AGBL4: variants seen among roughly 807,000 people sequenced by gnomAD.
AGBL4 encodes the protein cytosolic carboxypeptidase 6.
A neutral mutation model predicts 66.4 loss-of-function variants in AGBL4; 58 were observed. The observed-to-expected ratio is 0.87, with a 90% CI of 0.71 to 1.09. AGBL4 has a LOEUF of 1.09. Ranked by LOEUF, AGBL4 falls within the 50% of genes least tolerant of loss-of-function variation. The probability of loss-of-function intolerance (pLI) is 0.00; values close to 1 mark genes in which losing one functional copy is unlikely to be tolerated. For missense variants in AGBL4, 579 were observed against 631.0 expected (o/e 0.92, Z 0.88); for synonymous variants, 234 against 222.9 (o/e 1.05, Z -0.44).
intron 3 of AGBL4, among the ~76,000 whole-genome samples, chr1:49,447,492 T>C (rs548171855): frequency 2.2e-4 from 34 of 152,188 alleles, no homozygotes; most frequent in Middle Eastern, 6.8e-3. Context: ...GGACTGAATG[T>C]AGTCTTATGA....
At chr1:49,177,794 T>G (rs1163289873) in intron 4 of AGBL4, among the ~76,000 whole-genome samples, 1 of 152,154 alleles carries the variant, frequency 6.6e-6, no homozygotes, top group Admixed American at 6.5e-5. Context: ...ACCTGCTGCA[T>G]AGAAAGACAG....
chr1:49,562,582 T>G (rs937281358), intron 3 of AGBL4, among the ~76,000 whole-genome samples: 17 of 152,188 alleles, frequency 1.1e-4, no homozygotes, highest in Non-Finnish European at 2.1e-4. Context: ...TCCCCCTTGC[T>G]TGTTTTTGTC....
At chr1:49,975,653 T>A (rs963870013) in intron 1 of AGBL4, among the ~76,000 whole-genome samples, 1 of 152,184 alleles carries the variant, frequency 6.6e-6, no homozygotes, top group African/African-American at 2.4e-5. Flanking sequence ...GAGACCACAT[T>A]TGAAATCGTA....
At chr1:49,450,325 TA>T in intron 3 of AGBL4, among the ~76,000 whole-genome samples, 1 of 152,042 alleles carries the variant, frequency 6.6e-6, no homozygotes, top group African/African-American at 2.4e-5. Context: ...AACACACTCA[TA>T]AAAAGAGATA....
chr1:49,567,062 C>T (rs1341011102), intron 3 of AGBL4, among the ~76,000 whole-genome samples: 1 of 152,228 alleles, frequency 6.6e-6, no homozygotes, highest in African/African-American at 2.4e-5. Context: ...GCCGTGCTAG[C>T]AATGAGCGAG....
At chr1:48,809,323 G>A (rs1350309095) in intron 6 of AGBL4, among the ~76,000 whole-genome samples, 1 of 152,162 alleles carries the variant, frequency 6.6e-6, no homozygotes, top group Non-Finnish European at 1.5e-5. Context: ...GTGTGACTTT[G>A]GTTGTGATAG....
chr1:49,176,151 T>C (rs1334868718), intron 4 of AGBL4, among the ~76,000 whole-genome samples: 1 of 152,062 alleles, frequency 6.6e-6, no homozygotes, highest in East Asian at 1.9e-4. Flanking sequence ...ATGATGATGA[T>C]GGTGATGACA....
chr1:49,720,546 A>C (rs1394199609), intron 2 of AGBL4, among the ~76,000 whole-genome samples: 1 of 152,162 alleles, frequency 6.6e-6, no homozygotes, highest in Non-Finnish European at 1.5e-5. Flanking sequence ...ATAGTGATTA[A>C]AAGCATATAC....
At chr1:48,643,562 C>T (rs2148427696) in intron 8 of AGBL4, among the ~76,000 whole-genome samples, 1 of 152,318 alleles carries the variant, frequency 6.6e-6, no homozygotes, top group South Asian at 2.1e-4. Context: ...GACTTAACCT[C>T]TCTTTGAGTG....
chr1:49,851,897 A>G (rs1403038189), intron 1 of AGBL4, among the ~76,000 whole-genome samples: 1 of 152,180 alleles, frequency 6.6e-6, no homozygotes, highest in African/African-American at 2.4e-5. Flanking sequence ...ACCATTTAAT[A>G]TATAAATAAT....
intron 2 of AGBL4, among the ~76,000 whole-genome samples, chr1:49,789,960 T>A (rs925270414): frequency 3.3e-5 from 5 of 152,154 alleles, no homozygotes; most frequent in Admixed American, 3.3e-4. Flanking sequence ...CCAAACAGCA[T>A]GGTACTGGTA....
intron 3 of AGBL4, among the ~76,000 whole-genome samples, chr1:49,345,642 T>C (rs2148511621): frequency 6.6e-6 from 1 of 152,280 alleles, no homozygotes; most frequent in East Asian, 1.9e-4. Context: ...CTTTCTGTTT[T>C]GTTTTTCAGT....
intron 5 of AGBL4, among the ~76,000 whole-genome samples, chr1:48,931,193 T>C (rs1298382153): frequency 2.0e-5 from 3 of 152,212 alleles, no homozygotes; most frequent in Non-Finnish European, 4.4e-5. Flanking sequence ...TGATCTTGGT[T>C]ATCAGTTTTC....
chr1:49,913,926 C>T (rs1011991318), intron 1 of AGBL4, among the ~76,000 whole-genome samples: 2 of 152,126 alleles, frequency 1.3e-5, no homozygotes, highest in Admixed American at 6.5e-5. Context: ...TGCCCCAGGC[C>T]CATCCCTAAA....
intron 3 of AGBL4, among the ~76,000 whole-genome samples, chr1:49,609,226 C>G (rs1645111649): frequency 6.6e-6 from 1 of 152,112 alleles, no homozygotes; most frequent in African/African-American, 2.4e-5. Context: ...AAGTCCAGAT[C>G]CATAGGGACA....
chr1:49,417,322 G>A (rs1645448478), intron 3 of AGBL4, among the ~76,000 whole-genome samples: 1 of 152,128 alleles, frequency 6.6e-6, no homozygotes, highest in African/African-American at 2.4e-5. Flanking sequence ...GAGAAATGGA[G>A]AAACAGAAGG....
intron 3 of AGBL4, among the ~76,000 whole-genome samples, chr1:49,664,401 A>T (rs1400477515): frequency 6.6e-6 from 1 of 152,060 alleles, no homozygotes; most frequent in Non-Finnish European, 1.5e-5. Flanking sequence ...GAACACATAT[A>T]CATAATTTTT....
intron 1 of AGBL4, among the ~76,000 whole-genome samples, chr1:49,903,655 T>C (rs938255834): frequency 6.6e-6 from 1 of 152,152 alleles, no homozygotes; most frequent in Non-Finnish European, 1.5e-5. Context: ...AGATGAAATA[T>C]CTATTACAGA....
chr1:49,279,781 G>T (rs894546024), intron 3 of AGBL4, among the ~76,000 whole-genome samples: 1 of 152,146 alleles, frequency 6.6e-6, no homozygotes, highest in Non-Finnish European at 1.5e-5. Flanking sequence ...CCTTTAAGCT[G>T]CACTTAATTA....
Sources: allele counts gnomAD v4.1 joint callset (sites outside exome capture counted in the v4.1 genomes callset), GRCh38; gene constraint gnomAD v4.1.1; transcripts MANE v1.5; gene names NCBI Gene and HGNC (gene_info 2026-07-23, HGNC 2026-07-21).